The following MPP1 variants were observed in gnomAD, a reference collection of about 807,000 sequenced individuals.
MPP1 encodes the protein MAGUK p55 scaffold protein 1, also known as 55 kDa erythrocyte membrane protein.
Under a neutral mutation model 38.2 loss-of-function variants are expected in MPP1, and 6 were observed. The observed-to-expected ratio is 0.16, with a 90% CI of 0.09 to 0.31. The LOEUF is 0.31. Among genes scored for constraint, MPP1 ranks in the 10% least tolerant of loss-of-function variants. The pLI, the probability that MPP1 is intolerant of heterozygous loss-of-function variation, is 1.00. For missense variants in MPP1, 293 were observed against 368.9 expected (o/e 0.79, Z 1.69); for synonymous variants, 153 against 146.3 (o/e 1.05, Z -0.33).
At position 154,805,312 on chromosome X, in the gene MPP1, A is replaced by T. The variant is rs1557269052; in HGVS notation, c.62T>A (p.Leu21His). Residue 21 changes from leucine to histidine, a missense_variant, in exon 1 of 12, where the codon CTC becomes CAC. Physicochemically the swap from Leu to His is moderately conservative, Grantham distance 99 (BLOSUM62 -3). Coordinates refer to ENST00000369534, the MANE Select transcript of MPP1 (RefSeq NM_002436.4). ...GGSMHTALSD[L>H]YLEHLLQKRS... ...CTTCTGCAGCAAATGCTCCAGGTAG[A>T]GGTCGGAGAGCGCCGTGTGCATGCT... The T allele has an allele frequency of 8.3e-7, 1 of 1,208,124 alleles. No homozygotes were observed. The highest frequency in any genetic ancestry group is 1.1e-6 in the Non-Finnish European group (1 of 893,471).
chrX:154,784,505 T>C (rs1321441021), intron 7 of MPP1, among the ~76,000 whole-genome samples: 6 of 111,009 alleles, frequency 5.4e-5, no homozygotes, highest in African/African-American at 2.0e-4. Flanking sequence ...TTGACCCAGC[T>C]GCTCAAGATA....
Position 154,789,838 on chromosome X carries a change from G to A in MPP1, c.480+116C>T, listed in dbSNP as rs1231171561. 10 of 489,303 alleles carry A rather than the reference G, an allele frequency of 2.0e-5. 1 individual carries two copies. The highest frequency in any genetic ancestry group is 7.0e-4 in the Middle Eastern group (2 of 2,859). 40.3% of individuals were successfully genotyped at this position (489,303 alleles called of 1,213,427 possible). ...CTGAGCCAAGCAGCTACACACTTGCGAGATACTTAGAACTTAAAGTTAGAC... is the reference window on the plus strand; with the variant it reads ...CTGAGCCAAGCAGCTACACACTTGCAAGATACTTAGAACTTAAAGTTAGAC... On this transcript the variant is annotated intron_variant, in intron 5 of 11. Coordinates refer to ENST00000369534, the MANE Select transcript of MPP1 (RefSeq NM_002436.4).
At position 154,778,838 on chromosome X, in the gene MPP1, C is replaced by T. The variant is rs1376238611; in HGVS notation, c.*339G>A. ...AGACAAATGAAATACCCAGCATATA[C>T]AGTTGAAGGCAAAGGAGGGCAGGCT... On this transcript the variant is annotated 3_prime_UTR_variant, in exon 12 of 12. Coordinates refer to ENST00000369534, the MANE Select transcript of MPP1 (RefSeq NM_002436.4). 1.3e-5 allele frequency: 3 copies of T among 231,939 alleles called. No homozygotes were observed. Among genetic ancestry groups the T allele is most frequent in the Admixed American group, 6.3e-5 (1 of 16,000 alleles). The allele number at this position is 231,939 out of a possible 1,213,427, so 19.1% of individuals were successfully genotyped here. A position where few individuals can be genotyped will look rare whatever the true frequency, so the allele number is the denominator to read the frequency against.
chrX:154,781,994 A>T (rs1557266705), intron 9 of MPP1, 192 bp from the exon 10 acceptor site: 1 of 363,059 alleles, frequency 2.8e-6, no homozygotes, highest in African/African-American at 2.5e-5. Flanking sequence ...CCATCTGCCC[A>T]GGACACATTT....
At chrX:154,804,437 TCTGGACATTTTC>T (rs2072297791) in intron 1 of MPP1, among the ~76,000 whole-genome samples, 1 of 111,407 alleles carries the variant, frequency 9.0e-6, no homozygotes, top group African/African-American at 3.3e-5. Flanking sequence ...TCTGGTTCTC[TCTGGACATTTTC>T]CCCTTGGGAC....
intron 1 of MPP1, among the ~76,000 whole-genome samples, chrX:154,801,004 C>T (rs1172955291): frequency 1.8e-5 from 2 of 112,553 alleles, no homozygotes; most frequent in African/African-American, 6.5e-5. Flanking sequence ...CCTCCTCTGG[C>T]GTCACTTCCC....
chrX:154,804,862 A>C (rs782013408), intron 1 of MPP1: 91 of 347,414 alleles, frequency 2.6e-4, no homozygotes, highest in African/African-American at 2.0e-3. Flanking sequence ...AGCTCTTTAG[A>C]ACCAGAAGCT....
chrX:154,781,827 G>A lies in MPP1; in HGVS notation c.947-25C>T, dbSNP rs782063042. The A allele has an allele frequency of 8.1e-5, 96 of 1,188,120 alleles. 2 individuals carry two copies. In the South Asian group the frequency reaches 1.1e-3, roughly 14 times the overall value. The stretch of plus-strand genomic sequence containing the variant: ...TCTGTGTACAAGAACCCAAATCCCC[G>A]ACAAACTCCAGGTCCTCACCCTTTC... On this transcript the variant is annotated intron_variant, in intron 9 of 11. Coordinates refer to ENST00000369534, the MANE Select transcript of MPP1 (RefSeq NM_002436.4).
intron 1 of MPP1, among the ~76,000 whole-genome samples, chrX:154,801,984 C>A (rs2148542638): frequency 9.0e-6 from 1 of 110,760 alleles, no homozygotes; most frequent in Admixed American, 9.6e-5. Flanking sequence ...ACAGCAAGAT[C>A]CAAGTCTGCA....
chrX:154,784,535 A>T (rs782441945), intron 7 of MPP1, among the ~76,000 whole-genome samples: 2 of 107,102 alleles, frequency 1.9e-5, no homozygotes, highest in Non-Finnish European at 3.9e-5. Context: ...TGTCATCCTG[A>T]CTCTCCACCC....
intron 10 of MPP1, 94 bp from the exon 11 acceptor site, chrX:154,781,407 T>C: frequency 1.2e-6 from 1 of 824,252 alleles, no homozygotes; most frequent in Non-Finnish European, 1.8e-6. Flanking sequence ...AATGGATTCC[T>C]TCTAATAAGC....
At position 154,779,232 on chromosome X, in the gene MPP1, GCTT is replaced by G; in HGVS notation, c.1343_1345del (p.Glu448del). On this transcript the variant is annotated inframe_deletion, in exon 12 of 12. Coordinates refer to ENST00000369534, the MANE Select transcript of MPP1 (RefSeq NM_002436.4). Reference sequence around the variant, plus strand: ...TGGAGAACTGCACGCTTGGTCGAAGGCTTCTTGTAATTTCTTAAGGGTTTCATC... The same window carrying G: ...TGGAGAACTGCACGCTTGGTCGAAGGCTTGTAATTTCTTAAGGGTTTCATC... 3.3e-6 allele frequency: 4 copies of G among 1,211,775 alleles called. No homozygotes were observed. The highest frequency in any genetic ancestry group is 4.5e-6 in the Non-Finnish European group (4 of 895,472).
rs1557267182 is a variant in MPP1, at chrX:154,786,278, A to G, written c.603T>C (p.Asn201=). 1 of 1,210,055 alleles carries G rather than the reference A, an allele frequency of 8.3e-7. No homozygotes were observed. Among genetic ancestry groups the G allele is most frequent in the African/African-American group, 1.8e-5 (1 of 57,140 alleles). The change falls in exon 6 of 12, where the codon AAT becomes AAC. Residue 201 remains asparagine (N), a synonymous_variant. Coordinates refer to ENST00000369534, the MANE Select transcript of MPP1 (RefSeq NM_002436.4). Reference sequence around the variant, plus strand: ...AGCCTTCCACCCGTCCCTGCCACCAATTGCTGTCATCCTTGTTGATAATCT... The same window carrying G: ...AGCCTTCCACCCGTCCCTGCCACCAGTTGCTGTCATCCTTGTTGATAATCT... ...IIQIINKDDS[N]WWQGRVEGSS... is the part of the protein sequence containing the mutation.
At chrX:154,783,138 A>C (rs782461665) in intron 9 of MPP1, 252 of 132,437 alleles carry the variant, frequency 1.9e-3, no homozygotes, top group African/African-American at 7.5e-3. Context: ...GTAAAATGAC[A>C]AAGTTATATG....
intron 1 of MPP1, chrX:154,804,558 G>A (rs782334433): frequency 6.6e-5 from 18 of 273,648 alleles, no homozygotes; most frequent in African/African-American, 4.8e-4. Flanking sequence ...AGTGAGCCGT[G>A]TCCCCACCTG....
At chrX:154,804,247 C>T (rs782685492) in intron 1 of MPP1, among the ~76,000 whole-genome samples, 2 of 111,730 alleles carry the variant, frequency 1.8e-5, no homozygotes, top group African/African-American at 3.3e-5. Flanking sequence ...TCTGTGAAAT[C>T]GGAGGGTTAC....
At chrX:154,803,769 C>G (rs2072290364) in intron 1 of MPP1, among the ~76,000 whole-genome samples, 1 of 112,186 alleles carries the variant, frequency 8.9e-6, no homozygotes, top group Admixed American at 9.4e-5. Context: ...ATACATCTGT[C>G]AAATGTCATC....
intron 1 of MPP1, chrX:154,804,794 C>T (rs2072302158): frequency 2.9e-6 from 1 of 343,218 alleles, no homozygotes; most frequent in Non-Finnish European, 5.9e-6. Flanking sequence ...ATACACTGGC[C>T]ACCCTCTTTG....
chrX:154,781,857 G>A, intron 9 of MPP1, 55 bp from the exon 10 acceptor site: 1 of 1,112,463 alleles, frequency 9.0e-7, no homozygotes, highest in Non-Finnish European at 1.2e-6. Flanking sequence ...CCTTTCATGA[G>A]GGCTTGGACC....
Sources: allele counts gnomAD v4.1 joint callset (sites outside exome capture counted in the v4.1 genomes callset), GRCh38; gene constraint gnomAD v4.1.1; transcripts MANE v1.5; gene names NCBI Gene and HGNC (gene_info 2026-07-23, HGNC 2026-07-21).